EXT2: variants seen among roughly 807,000 people sequenced by gnomAD.
The protein encoded by EXT2 is exostosin glycosyltransferase 2.
In EXT2, 53 loss-of-function variants were observed where a neutral mutation model predicts 81.6. The ratio of observed to expected loss-of-function variants is 0.65; its 90% CI spans 0.52 to 0.82. EXT2 has a LOEUF of 0.82. Ranked by LOEUF, EXT2 falls within the 40% of genes least tolerant of loss-of-function variation. The pLI is 0.00. For missense variants in EXT2, 774 were observed against 910.2 expected, an observed-to-expected ratio of 0.85 and a Z score of 1.93; for synonymous variants, 320 against 340.0, an observed-to-expected ratio of 0.94 and a Z score of 0.65.
At chr11:44,140,938 A>C (rs1246893070) in intron 7 of EXT2, among the ~76,000 whole-genome samples, 1 of 152,226 alleles carries the variant, frequency 6.6e-6, no homozygotes, top group African/African-American at 2.4e-5. Flanking sequence ...AAGAATTTTT[A>C]TAGTAAGTTA....
In EXT2 at chr11:44,197,948, A is replaced by C; in HGVS notation, c.1425A>C (p.Glu475Asp). The C allele has an allele frequency of 6.2e-7, 1 of 1,614,092 alleles. No individual in the cohort carries two copies. The highest frequency in any genetic ancestry group is 8.5e-7 in the Non-Finnish European group (1 of 1,179,986). Residue 475 changes from glutamate to aspartate, a missense_variant, in exon 9 of 14, where the codon GAA (glutamate) becomes GAC (aspartate). By Grantham distance (45) the Glu-to-Asp change is conservative (BLOSUM62 2). This residue lies in a region of EXT2 where 626 missense variants were observed against 670.5 expected (regional missense o/e 0.93). Coordinates refer to ENST00000533608, the MANE Select transcript of EXT2 (RefSeq NM_207122.2). ...AGAGCCTCTTCCGGGTCATCACTGA[A>C]GTGTCCAAGGTGCCCAGTCTATCCA... Reference protein sequence around the residue: ...RVESLFRVITEVSKVPSLSKL... With the variant: ...RVESLFRVITDVSKVPSLSKL...
intron 10 of EXT2, 58 bp downstream of exon 10, chr11:44,207,017 G>A: frequency 6.5e-7 from 1 of 1,549,396 alleles, no homozygotes; most frequent in Non-Finnish European, 8.9e-7. Context: ...ATGACTGCTT[G>A]TCTTTTCTAA....
At chr11:44,197,686 G>T (rs558143418) in intron 8 of EXT2, 143 bp from the exon 9 acceptor site, 40 of 780,100 alleles carry the variant, frequency 5.1e-5, no homozygotes, top group Admixed American at 1.9e-4. Context: ...TTGAGGAGGG[G>T]AAGACTTTGA....
rs1264798102 is a variant in EXT2 at position 44,251,732 on chromosome 11, A to G, written c.*7445A>G. 6.6e-6 allele frequency among the ~76,000 whole-genome samples: 1 copy of G among 152,214 alleles called. No individual in the cohort carries two copies. Among genetic ancestry groups the G allele is most frequent in the East Asian group, 1.9e-4 (1 of 5,204 alleles). Reference sequence around the variant, plus strand: ...ATGTTTTTAAGTCTATTGTCTTAAAAAGATTCTTTTCCCTTAAAAAATAAA... The same window carrying G: ...ATGTTTTTAAGTCTATTGTCTTAAAGAGATTCTTTTCCCTTAAAAAATAAA... On this transcript the variant is annotated 3_prime_UTR_variant, in exon 14 of 14. Transcript: ENST00000533608.
At chr11:44,182,620 T>G (rs564805458) in intron 8 of EXT2, among the ~76,000 whole-genome samples, 3 of 152,358 alleles carry the variant, frequency 2.0e-5, no homozygotes, top group African/African-American at 7.2e-5. Flanking sequence ...CTGTTTATCT[T>G]TTATCACAGT....
At chr11:44,121,901 C>A (rs1954322523) in intron 4 of EXT2, among the ~76,000 whole-genome samples, 1 of 152,084 alleles carries the variant, frequency 6.6e-6, no homozygotes, top group Non-Finnish European at 1.5e-5. Context: ...CGCCAGGCTA[C>A]CTTACTACTC....
intron 5 of EXT2, among the ~76,000 whole-genome samples, chr11:44,125,527 A>T (rs1230472563): frequency 3.3e-5 from 5 of 152,146 alleles, no homozygotes; most frequent in Non-Finnish European, 7.3e-5. Context: ...CCATAACCAT[A>T]GGGAAAGCGG....
chr11:44,157,519 A>G (rs977818894), intron 7 of EXT2, among the ~76,000 whole-genome samples: 14 of 152,116 alleles, frequency 9.2e-5, no homozygotes, highest in Non-Finnish European at 1.9e-4. Flanking sequence ...CCCTTGGCCC[A>G]TGGCAAGTAC....
intron 7 of EXT2, among the ~76,000 whole-genome samples, chr11:44,161,009 G>A: frequency 6.6e-6 from 1 of 152,034 alleles, no homozygotes; most frequent in Non-Finnish European, 1.5e-5. Flanking sequence ...TCCACATTAA[G>A]TTGGATGCTT....
intron 10 of EXT2, among the ~76,000 whole-genome samples, chr11:44,219,806 A>G (rs1231439298): frequency 6.6e-6 from 1 of 152,200 alleles, no homozygotes; most frequent in Non-Finnish European, 1.5e-5. Context: ...GAGGCTGATA[A>G]AAAAGGGGGC....
At chr11:44,110,939 G>A (rs1376605951) in intron 3 of EXT2, among the ~76,000 whole-genome samples, 1 of 152,176 alleles carries the variant, frequency 6.6e-6, no homozygotes, top group Non-Finnish European at 1.5e-5. Context: ...TGGCCTTCTT[G>A]TTGGGGTAAG....
In EXT2 at chr11:44,184,947, A is replaced by G. The variant is rs79998216; in HGVS notation, c.1306-12882A>G. On this transcript the variant is annotated intron_variant, in intron 8 of 13. Coordinates refer to ENST00000533608, the MANE Select transcript of EXT2 (RefSeq NM_207122.2). ...GGTACAGTGCTTGATGTTCAAAACA[A>G]AATGTTGCAAAACAATAAGCAAACA... 3.2e-3 allele frequency among the ~76,000 whole-genome samples: 482 copies of G among 152,342 alleles called. 8 individuals are homozygous for G. The highest frequency in any genetic ancestry group is 5.9e-3 in the Non-Finnish European group (399 of 68,022).
intron 3 of EXT2, among the ~76,000 whole-genome samples, chr11:44,113,518 A>C (rs1232107733): frequency 1.3e-5 from 2 of 152,232 alleles, no homozygotes; most frequent in African/African-American, 4.8e-5. Context: ...GGCTAGTACA[A>C]GCAAACTGCA....
intron 3 of EXT2, among the ~76,000 whole-genome samples, chr11:44,113,514 T>C (rs1044186204): frequency 6.6e-6 from 1 of 152,206 alleles, no homozygotes; most frequent in African/African-American, 2.4e-5. Flanking sequence ...TAACGGCTAG[T>C]ACAAGCAAAC....
At chr11:44,097,073 A>G (rs1953908509) in intron 1 of EXT2, among the ~76,000 whole-genome samples, 1 of 152,210 alleles carries the variant, frequency 6.6e-6, no homozygotes, top group Non-Finnish European at 1.5e-5. Flanking sequence ...CCAGTTGTGT[A>G]ATATTGGGCC....
chr11:44,111,295 G>C (rs1255719751), intron 3 of EXT2, among the ~76,000 whole-genome samples: 1 of 151,980 alleles, frequency 6.6e-6, no homozygotes, highest in Non-Finnish European at 1.5e-5. Context: ...CTTTGTGCAA[G>C]GGTCGAACAG....
At position 44,171,685 on chromosome 11, in the gene EXT2, C is replaced by A. The variant is rs752340612; in HGVS notation, c.1248C>A (p.Asp416Glu). Residue 416 changes from aspartate (D) to glutamate (E), a missense_variant, in exon 8 of 14, where the codon GAC becomes GAA. Physicochemically the swap from Asp to Glu is conservative, Grantham distance 45. Transcript: ENST00000533608. ...IALATLQIINDRIYPYAAISY... is the reference protein window; with the variant it reads ...IALATLQIINERIYPYAAISY... ...TGGCCACCCTGCAGATTATCAATGA[C>A]CGGATCTATCCATATGCTGCCATCT... The A allele has an allele frequency of 6.2e-7, 1 of 1,614,024 alleles. No homozygotes were observed. Among genetic ancestry groups the A allele is most frequent in the African/African-American group, 1.3e-5 (1 of 74,936 alleles).
chr11:44,208,062 A>G (rs1026135206), intron 10 of EXT2, among the ~76,000 whole-genome samples: 1 of 152,130 alleles, frequency 6.6e-6, no homozygotes, highest in Admixed American at 6.5e-5. Flanking sequence ...ATCTTTTTGG[A>G]TTTATTTTTA....
intron 9 of EXT2, among the ~76,000 whole-genome samples, chr11:44,201,797 G>A (rs1955525184): frequency 6.6e-6 from 1 of 152,018 alleles, no homozygotes; most frequent in South Asian, 2.1e-4. Flanking sequence ...TACTGCTCCA[G>A]TCCTAATTTT....
Sources: gnomAD v4.1 joint callset for allele counts (sites outside exome capture counted in the v4.1 genomes callset) on GRCh38, gnomAD v4.1.1 for gene constraint, gnomAD v4.1.1 regional missense constraint, MANE v1.5 for transcripts, NCBI Gene and HGNC (gene_info 2026-07-23, HGNC 2026-07-21) for gene names.